Variants in CAMTA1 observed in about 807,000 individuals in gnomAD.
CAMTA1 encodes calmodulin-binding transcription activator 1.
CAMTA1 carries 27 observed loss-of-function variants against 170.9 expected under a neutral mutation model. That is an observed-to-expected ratio of 0.16 (90% confidence interval 0.12 to 0.22). CAMTA1 has a LOEUF of 0.22. CAMTA1 is among the 10% of genes least tolerant of loss of function. The probability of loss-of-function intolerance (pLI) is 1.00; values close to 1 mark genes in which losing one functional copy is unlikely to be tolerated. For missense variants in CAMTA1, 1,619 were observed against 2,217.2 expected (o/e 0.73, Z 5.42); for synonymous variants, 833 against 891.5 (o/e 0.93, Z 1.17).
chr1:7,239,630 G>C (rs1337675715), intron 4 of CAMTA1, among the ~76,000 whole-genome samples: 1 of 132,280 alleles, frequency 7.6e-6, no homozygotes, highest in Non-Finnish European at 1.5e-5. Context: ...ATAGCTTCAA[G>C]GTCAATTTTT....
intron 5 of CAMTA1, among the ~76,000 whole-genome samples, chr1:7,288,586 G>A (rs933268018): frequency 1.2e-4 from 18 of 152,182 alleles, no homozygotes; most frequent in African/African-American, 4.3e-4. Flanking sequence ...GCAGTGTGCT[G>A]GATGCAGGAA....
chr1:7,405,816 G>A (rs1476996754), intron 5 of CAMTA1, among the ~76,000 whole-genome samples: 1 of 152,214 alleles, frequency 6.6e-6, no homozygotes, highest in East Asian at 1.9e-4. Context: ...CCTGGAGGAG[G>A]ACCAAGCATG....
At chr1:7,709,974 C>G (rs2096556919) in intron 11 of CAMTA1, among the ~76,000 whole-genome samples, 1 of 152,232 alleles carries the variant, frequency 6.6e-6, no homozygotes. Flanking sequence ...TTGAAAGCCA[C>G]TAGACTGGAT....
intron 5 of CAMTA1, among the ~76,000 whole-genome samples, chr1:7,346,571 G>T (rs985856660): frequency 9.9e-5 from 15 of 152,188 alleles, no homozygotes; most frequent in African/African-American, 3.6e-4. Flanking sequence ...CTTAGGGATG[G>T]TGTCCATCAT....
rs986808131 is a variant in CAMTA1 at position 7,497,568 on chromosome 1, G to A, written c.510+29667G>A. On this transcript the variant is annotated intron_variant, in intron 6 of 22. Coordinates refer to ENST00000303635, the MANE Select transcript of CAMTA1 (RefSeq NM_015215.4). ...TGCTTCACCCACACGTTCCTGGTGA[G>A]ATTCTAGAATGGAAATCTCTCACGT... Among the ~76,000 whole-genome samples the A allele has an allele frequency of 2.0e-5, 3 of 152,230 alleles. 1 individual carries two copies. The East Asian group carries it at 5.8e-4, about 29-fold the overall frequency.
At chr1:7,652,774 G>A (rs1370757314) in intron 7 of CAMTA1, among the ~76,000 whole-genome samples, 3 of 149,664 alleles carry the variant, frequency 2.0e-5, no homozygotes, top group East Asian at 2.1e-4. Context: ...GCCCACCACC[G>A]AGCTGCTGTC....
At chr1:6,908,315 G>C (rs568116858) in intron 3 of CAMTA1, among the ~76,000 whole-genome samples, 265 of 152,370 alleles carry the variant, frequency 1.7e-3, no homozygotes, top group Non-Finnish European at 2.9e-3. Flanking sequence ...ACGGCAAGCA[G>C]GCTGACAGGC....
chr1:7,250,953 G>A (rs1347427713), intron 5 of CAMTA1, among the ~76,000 whole-genome samples: 2 of 152,194 alleles, frequency 1.3e-5, no homozygotes, highest in Admixed American at 6.5e-5. Flanking sequence ...AGCCATCATC[G>A]CAGGGAGCCA....
intron 3 of CAMTA1, among the ~76,000 whole-genome samples, chr1:6,894,761 A>G (rs773675457): frequency 6.6e-6 from 1 of 152,262 alleles, no homozygotes; most frequent in Non-Finnish European, 1.5e-5. Flanking sequence ...ACATTTCAGG[A>G]TATAAGAATG....
chr1:6,791,091 T>G (rs1049855335), intron 1 of CAMTA1, among the ~76,000 whole-genome samples: 4 of 151,360 alleles, frequency 2.6e-5, no homozygotes, highest in Non-Finnish European at 5.9e-5. Context: ...GTGTGTATCT[T>G]CTAGAATCAT....
intron 3 of CAMTA1, among the ~76,000 whole-genome samples, chr1:6,892,271 C>T (rs923836397): frequency 1.3e-5 from 2 of 152,268 alleles, no homozygotes; most frequent in Non-Finnish European, 1.5e-5. Context: ...CCAGATTGGG[C>T]GGGTTGTGAG....
chr1:7,554,982 G>C (rs1433203319), intron 6 of CAMTA1, among the ~76,000 whole-genome samples: 1 of 152,050 alleles, frequency 6.6e-6, no homozygotes, highest in East Asian at 1.9e-4. Flanking sequence ...GGAGTTATCA[G>C]CTGCCTCTGT....
Position 7,547,348 on chromosome 1 carries a change from G to GCA in CAMTA1, c.510+79488_510+79489dup, listed in dbSNP as rs3222190. ...GAGCTGGGGAATATATGTATCATAT[G>GCA]CACACACACACACACACACACACAC... On this transcript the variant is annotated intron_variant, in intron 6 of 22. Coordinates refer to ENST00000303635, the MANE Select transcript of CAMTA1 (RefSeq NM_015215.4). This position sits in a 1 kb window ranked among gnomAD's most constrained non-coding sequence, Gnocchi z 5.7. Among the ~76,000 whole-genome samples, 6,429 of 144,002 alleles carry GCA rather than the reference G, an allele frequency of 0.045. 162 individuals carry two copies. Among genetic ancestry groups the GCA allele is most frequent in the African/African-American group, 0.067 (2,553 of 38,262 alleles). The allele number at this position is 144,002 out of a possible 152,430, so 94.5% of individuals were successfully genotyped here.
At chr1:7,552,603 C>T (rs72865463) in intron 6 of CAMTA1, among the ~76,000 whole-genome samples, 5,152 of 152,314 alleles carry the variant, frequency 0.034, 289 homozygotes, top group African/African-American at 0.12. Context: ...CCACTGTGAG[C>T]CCTGTCCATC....
Position 7,477,752 on chromosome 1 carries a change from A to G in CAMTA1, c.510+9851A>G, listed in dbSNP as rs561316662. On this transcript the variant is annotated intron_variant, in intron 6 of 22. Transcript: ENST00000303635. ...CGGCTTTCTCAGAGGGTCCCCTTGC[A>G]GGCCCCATTGCTCACCCTTCACCTT... Among the ~76,000 whole-genome samples, 4 of 152,252 alleles carry G rather than the reference A, an allele frequency of 2.6e-5. No individual in the cohort carries two copies. The East Asian group carries it at 7.8e-4, about 30-fold the overall frequency.
chr1:7,461,073 CCT>C (rs1266104130), intron 5 of CAMTA1, among the ~76,000 whole-genome samples: 2 of 152,174 alleles, frequency 1.3e-5, no homozygotes, highest in Non-Finnish European at 2.9e-5. Flanking sequence ...GGTAAACACC[CCT>C]GTCTGCCGCC....
In CAMTA1 at chr1:6,848,233, A is replaced by G. The variant is rs564428495; in HGVS notation, c.234+23023A>G. ...TGATCATAGCTCACCATAGACTTCA[A>G]CTCCTTGGCCTCAAACAATCCTCTC... On this transcript the variant is annotated intron_variant, in intron 3 of 22. Coordinates refer to ENST00000303635, the MANE Select transcript of CAMTA1 (RefSeq NM_015215.4). Among the ~76,000 whole-genome samples the G allele has an allele frequency of 2.8e-4, 43 of 151,138 alleles. 1 individual carries two copies. Among genetic ancestry groups the G allele is most frequent in the Non-Finnish European group, 5.6e-4 (38 of 67,742 alleles).
rs918811333 is a variant in CAMTA1, at chr1:7,744,825, C to G, written c.4183-10C>G. ...TCTAACCTGAGTGTTCTGTGAACTT[C>G]TGACTTCAGGTGAACATGATGACCT... On this transcript the variant is annotated splice_polypyrimidine_tract_variant and intron_variant, in intron 16 of 22. Transcript: ENST00000303635. 6.2e-7 allele frequency: 1 copy of G among 1,609,708 alleles called. No individual in the cohort carries two copies. Among genetic ancestry groups the G allele is most frequent in the Non-Finnish European group, 8.5e-7 (1 of 1,177,810 alleles).
chr1:6,908,417 G>T (rs1043824833), intron 3 of CAMTA1, among the ~76,000 whole-genome samples: 3 of 152,208 alleles, frequency 2.0e-5, no homozygotes, highest in African/African-American at 7.2e-5. Flanking sequence ...CTGCAAGTGT[G>T]AAGCCAGAAT....
Sources: allele counts gnomAD v4.1 joint callset (sites outside exome capture counted in the v4.1 genomes callset), GRCh38; gene constraint gnomAD v4.1.1; non-coding constraint Gnocchi (gnomAD v3.1); transcripts MANE v1.5; gene names NCBI Gene and HGNC (gene_info 2026-07-23, HGNC 2026-07-21).